The following SOX5 variants were observed in gnomAD, a reference collection of about 807,000 sequenced individuals.
SOX5 encodes transcription factor SOX-5.
A neutral mutation model predicts 92.0 loss-of-function variants in SOX5; 9 were observed. The observed-to-expected ratio is 0.10, with a 90% CI of 0.06 to 0.17. The LOEUF (loss-of-function observed/expected upper bound fraction) is 0.17, where lower values mean the gene tolerates loss of function less well. Ranked by LOEUF, SOX5 falls within the 10% of genes least tolerant of loss-of-function variation. The pLI is 1.00. For synonymous variants in SOX5, 344 were observed against 336.3 expected, an observed-to-expected ratio of 1.02 and a Z score of -0.25; for missense variants, 642 against 944.5, an observed-to-expected ratio of 0.68 and a Z score of 4.20.
At position 23,643,127 on chromosome 12, in the gene SOX5, A is replaced by G. The variant is rs1387905615; in HGVS notation, c.932-2230T>C. ...AAAAAAAGGTAATTATGGTCAGACTAGGATGGTGACATGGGGATGGAGAGT... is the reference window on the plus strand; with the variant it reads ...AAAAAAAGGTAATTATGGTCAGACTGGGATGGTGACATGGGGATGGAGAGT... On this transcript the variant is annotated intron_variant, in intron 7 of 14. Coordinates refer to ENST00000451604, the MANE Select transcript of SOX5 (RefSeq NM_006940.6). Among the ~76,000 whole-genome samples the G allele has an allele frequency of 4.0e-5, 6 of 149,972 alleles. No homozygotes were observed. In the East Asian group the frequency reaches 7.8e-4, roughly 20 times the overall value.
At chr12:24,549,821 A>G (rs1952978693) in intron 1 of SOX5, among the ~76,000 whole-genome samples, 1 of 152,166 alleles carries the variant, frequency 6.6e-6, no homozygotes, top group African/African-American at 2.4e-5. Flanking sequence ...TGTTGGAGAA[A>G]TATTTCTAAA....
intron 5 of SOX5, among the ~76,000 whole-genome samples, chr12:23,736,164 A>C (rs1213806066): frequency 1.3e-5 from 2 of 152,060 alleles, no homozygotes; most frequent in Non-Finnish European, 2.9e-5. Flanking sequence ...TTATTAAAAA[A>C]AAAAAAAAAT....
intron 4 of SOX5, among the ~76,000 whole-genome samples, chr12:24,012,950 G>A (rs16926958): frequency 0.017 from 2,638 of 152,230 alleles, 71 homozygotes; most frequent in South Asian, 0.063. Context: ...TTGATAAGTA[G>A]CTATTGCCAT....
intron 4 of SOX5, among the ~76,000 whole-genome samples, chr12:24,033,451 TAA>T (rs1392172583): frequency 6.6e-6 from 1 of 151,952 alleles, no homozygotes. Context: ...CTTAAAAAAA[TAA>T]AGTTTCTAGG....
intron 1 of SOX5, among the ~76,000 whole-genome samples, chr12:23,925,004 C>A (rs1939543839): frequency 6.6e-6 from 1 of 151,714 alleles, no homozygotes; most frequent in African/African-American, 2.4e-5. Context: ...GAGAAACACC[C>A]AAGAATGATC....
rs1468964455 is a variant in SOX5, at chr12:24,446,891, G to A, written c.-250-78252C>T. 2.6e-5 allele frequency among the ~76,000 whole-genome samples: 4 copies of A among 152,130 alleles called. No individual in the cohort carries two copies. The East Asian group carries it at 5.8e-4, about 22-fold the overall frequency. ...AACAAAATAATGGAGGTATATCAGT[G>A]GGACGCAGAAGCCAACCTGAAGGAG... On this transcript the variant is annotated intron_variant, in intron 1 of 4. Coordinates refer to the SOX5 transcript ENST00000446891.
At chr12:23,893,801 T>C (rs772490288) in intron 2 of SOX5, among the ~76,000 whole-genome samples, 1 of 152,284 alleles carries the variant, frequency 6.6e-6, no homozygotes, top group African/African-American at 2.4e-5. Context: ...CTACCCATTG[T>C]CTCCTTTTCC....
At chr12:23,738,881 A>G (rs1393959649) in intron 5 of SOX5, among the ~76,000 whole-genome samples, 2 of 152,194 alleles carry the variant, frequency 1.3e-5, no homozygotes, top group Non-Finnish European at 1.5e-5. Flanking sequence ...CTCTTTTATC[A>G]TGGGGATAAA....
chr12:24,198,569 C>T (rs555467673), intron 4 of SOX5, among the ~76,000 whole-genome samples: 6 of 152,244 alleles, frequency 3.9e-5, no homozygotes, highest in South Asian at 2.1e-4. Flanking sequence ...TGATGATATA[C>T]GAACTAATAA....
chr12:24,381,151 C>T (rs372230125), intron 1 of SOX5, among the ~76,000 whole-genome samples: 3 of 152,148 alleles, frequency 2.0e-5, no homozygotes, highest in South Asian at 2.1e-4. Flanking sequence ...ATGCCCAAAA[C>T]GCCAGACACG....
At chr12:23,869,770 C>A (rs61923968) in intron 2 of SOX5, among the ~76,000 whole-genome samples, 29,253 of 152,052 alleles carry the variant, frequency 0.19, 3,549 homozygotes, top group Non-Finnish European at 0.28. Context: ...GAATCATATG[C>A]CAGAAATTTT....
chr12:23,988,134 GA>G (rs1950222794), intron 4 of SOX5, among the ~76,000 whole-genome samples: 1 of 152,182 alleles, frequency 6.6e-6, no homozygotes, highest in African/African-American at 2.4e-5. Context: ...TTTTTAACTT[GA>G]AAAAGTATTC....
chr12:23,693,373 C>T (rs1249565085), intron 6 of SOX5, among the ~76,000 whole-genome samples: 1 of 152,138 alleles, frequency 6.6e-6, no homozygotes, highest in African/African-American at 2.4e-5. Flanking sequence ...ATCCACCTGC[C>T]TCAGCCTCCC....
At chr12:24,385,926 C>CAAAAAAA (rs35813329) in intron 1 of SOX5, among the ~76,000 whole-genome samples, 47 of 73,386 alleles carry the variant, frequency 6.4e-4, no homozygotes, top group African/African-American at 2.7e-3. Flanking sequence ...GACCTTGTCA[C>CAAAAAAA]AAAAAAAAAA....
chr12:24,404,086 G>A (rs1380684569), intron 1 of SOX5, among the ~76,000 whole-genome samples: 1 of 152,116 alleles, frequency 6.6e-6, no homozygotes, highest in Non-Finnish European at 1.5e-5. Flanking sequence ...AATCCCCATT[G>A]AAGCTGAACA....
intron 3 of SOX5, among the ~76,000 whole-genome samples, chr12:23,759,877 T>C (rs1462117844): frequency 1.3e-5 from 2 of 152,118 alleles, no homozygotes; most frequent in African/African-American, 4.8e-5. Flanking sequence ...TTTTGTACTA[T>C]GAATATGGTA....
intron 1 of SOX5, among the ~76,000 whole-genome samples, chr12:24,561,486 A>G (rs189663143): frequency 6.6e-6 from 1 of 152,300 alleles, no homozygotes; most frequent in Non-Finnish European, 1.5e-5. Flanking sequence ...AAACATTTCC[A>G]AATCCAATTT....
intron 1 of SOX5, among the ~76,000 whole-genome samples, chr12:24,490,530 G>A (rs920076115): frequency 6.6e-6 from 1 of 152,084 alleles, no homozygotes; most frequent in Non-Finnish European, 1.5e-5. Flanking sequence ...AAACCAGTGT[G>A]CCCAACTGTG....
At chr12:23,621,142 A>T (rs945603918) in intron 8 of SOX5, among the ~76,000 whole-genome samples, 1 of 152,124 alleles carries the variant, frequency 6.6e-6, no homozygotes, top group African/African-American at 2.4e-5. Flanking sequence ...TCATTCTTAA[A>T]GTATATGTTT....
Sources: allele counts gnomAD v4.1 joint callset (sites outside exome capture counted in the v4.1 genomes callset), GRCh38; gene constraint gnomAD v4.1.1; transcripts MANE v1.5; gene names NCBI Gene and HGNC (gene_info 2026-07-23, HGNC 2026-07-21).